Variants in COBL observed in about 807,000 individuals in gnomAD.
The protein encoded by COBL is cordon-bleu WH2 repeat protein, also known as protein cordon-bleu.
A neutral mutation model predicts 98.8 loss-of-function variants in COBL; 51 were observed. The observed-to-expected ratio is 0.52, with a 90% CI of 0.41 to 0.65. The LOEUF is 0.65. Ranked by LOEUF, COBL falls within the 30% of genes least tolerant of loss-of-function variation. The pLI is 0.00. For missense variants in COBL, 1,617 were observed against 1,617.5 expected (o/e 1.00, Z 0.01); for synonymous variants, 634 against 651.7 (o/e 0.97, Z 0.41).
intron 1 of COBL, among the ~76,000 whole-genome samples, chr7:51,224,325 A>C (rs1052472749): frequency 2.3e-4 from 35 of 152,194 alleles, no homozygotes; most frequent in African/African-American, 8.0e-4. Context: ...TCCTGCTTAC[A>C]AGAAACACTG....
chr7:51,230,512 C>A (rs1794644159), intron 1 of COBL, among the ~76,000 whole-genome samples: 1 of 152,146 alleles, frequency 6.6e-6, no homozygotes, highest in Admixed American at 6.5e-5. Context: ...TTCCTGCTGG[C>A]CCCTTCCCAC....
chr7:51,077,730 T>C (rs938556776), intron 7 of COBL, among the ~76,000 whole-genome samples: 1 of 152,218 alleles, frequency 6.6e-6, no homozygotes, highest in African/African-American at 2.4e-5. Flanking sequence ...GAACGCTGAA[T>C]AGGCATATTC....
At chr7:51,203,855 G>A (rs1244489710) in intron 2 of COBL, among the ~76,000 whole-genome samples, 4 of 152,050 alleles carry the variant, frequency 2.6e-5, no homozygotes, top group African/African-American at 9.7e-5. Context: ...GAAAAAGAGG[G>A]CCTATTTCCA....
intron 5 of COBL, among the ~76,000 whole-genome samples, chr7:51,167,141 T>C (rs1295870035): frequency 1.3e-5 from 2 of 152,106 alleles, no homozygotes; most frequent in Non-Finnish European, 2.9e-5. Flanking sequence ...GGCATTCAAA[T>C]TGGAAAGGAA....
chr7:51,172,519 G>C (rs1169057304), intron 5 of COBL: 1 of 1,287,682 alleles, frequency 7.8e-7, no homozygotes, highest in African/African-American at 1.5e-5. Context: ...CCGACAGCAC[G>C]AGCTGCTCAG....
chr7:51,069,207 G>T (rs1792265298), intron 7 of COBL, among the ~76,000 whole-genome samples: 1 of 152,164 alleles, frequency 6.6e-6, no homozygotes, highest in Admixed American at 6.5e-5. Context: ...TGAGAGAGAA[G>T]GGCCAAGCGA....
intron 5 of COBL, among the ~76,000 whole-genome samples, chr7:51,153,040 T>C (rs1052772668): frequency 6.6e-6 from 1 of 152,242 alleles, no homozygotes; most frequent in Non-Finnish European, 1.5e-5. Context: ...TACTATTGTA[T>C]ATCGTAAGGT....
intron 6 of COBL, among the ~76,000 whole-genome samples, chr7:51,098,322 A>G (rs1795499121): frequency 6.6e-6 from 1 of 151,150 alleles, no homozygotes; most frequent in South Asian, 2.1e-4. Flanking sequence ...GGGGAAGAAA[A>G]CAATAAAACA....
intron 1 of COBL, among the ~76,000 whole-genome samples, chr7:51,277,292 A>C (rs893382939): frequency 2.0e-5 from 3 of 152,136 alleles, no homozygotes; most frequent in African/African-American, 7.2e-5. Flanking sequence ...CTAAGAGAGA[A>C]GGTATGTGTG....
At chr7:51,181,686 T>C (rs1319250645) in intron 5 of COBL, among the ~76,000 whole-genome samples, 1 of 152,210 alleles carries the variant, frequency 6.6e-6, no homozygotes, top group Non-Finnish European at 1.5e-5. Context: ...TTTCTTTCTT[T>C]AGGTTGACAA....
intron 5 of COBL, among the ~76,000 whole-genome samples, chr7:51,165,252 A>G (rs1787193147): frequency 6.6e-6 from 1 of 152,030 alleles, no homozygotes; most frequent in Admixed American, 6.5e-5. Flanking sequence ...ATACACCTCA[A>G]CTGAAAATAA....
chr7:51,274,218 C>T (rs1184147232), intron 1 of COBL, among the ~76,000 whole-genome samples: 1 of 152,210 alleles, frequency 6.6e-6, no homozygotes, highest in Non-Finnish European at 1.5e-5. Flanking sequence ...TCACACCCAG[C>T]CTTGCTGCAA....
At chr7:51,178,843 A>C (rs2129048856) in intron 5 of COBL, among the ~76,000 whole-genome samples, 1 of 152,310 alleles carries the variant, frequency 6.6e-6, no homozygotes, top group African/African-American at 2.4e-5. Flanking sequence ...TCCCGACCTC[A>C]GGCGATCCAC....
At chr7:51,304,104 C>T (rs1202960477) in intron 1 of COBL, among the ~76,000 whole-genome samples, 4 of 152,200 alleles carry the variant, frequency 2.6e-5, no homozygotes, top group African/African-American at 7.2e-5. Context: ...CCCATGTTGT[C>T]GCCAGCACCA....
chr7:51,043,015 C>T (rs774504549), intron 8 of COBL, among the ~76,000 whole-genome samples: 1 of 152,208 alleles, frequency 6.6e-6, no homozygotes, highest in Non-Finnish European at 1.5e-5. Context: ...GTTTCTTGCT[C>T]ATTGTTTCTA....
intron 5 of COBL, among the ~76,000 whole-genome samples, chr7:51,178,195 T>C (rs572038154): frequency 1.2e-4 from 19 of 152,184 alleles, no homozygotes; most frequent in African/African-American, 3.4e-4. Context: ...TATATATATA[T>C]ACATGTGGTT....
At chr7:51,245,966 A>G (rs1376640772) in intron 1 of COBL, among the ~76,000 whole-genome samples, 1 of 152,214 alleles carries the variant, frequency 6.6e-6, no homozygotes, top group Non-Finnish European at 1.5e-5. Flanking sequence ...TATTATCCAA[A>G]GACTTAGTTT....
Position 51,098,122 on chromosome 7 carries a change from A to C in COBL, c.958-12818T>G, listed in dbSNP as rs149781389. ...CATTGCTGGAATTAGAGAAGACACA[A>C]TAAATATTTTCATGAAAGTATTAAT... is the stretch of plus-strand genomic sequence containing the variant. On this transcript the variant is annotated intron_variant, in intron 6 of 12. Coordinates refer to ENST00000265136, the MANE Select transcript of COBL (RefSeq NM_015198.5). Among the ~76,000 whole-genome samples, 948 of 152,022 alleles carry C rather than the reference A, an allele frequency of 6.2e-3. 7 individuals are homozygous for C. Among genetic ancestry groups the C allele is most frequent in the African/African-American group, 0.022 (894 of 41,482 alleles).
At position 51,054,236 on chromosome 7, in the gene COBL, CT is replaced by C. The variant is rs958819222; in HGVS notation, c.1097-10545del. Among the ~76,000 whole-genome samples the C allele has an allele frequency of 1.5e-4, 22 of 151,552 alleles. 1 individual carries two copies. In the East Asian group the frequency reaches 2.7e-3, roughly 19 times the overall value. On this transcript the variant is annotated intron_variant, in intron 7 of 12. Coordinates refer to ENST00000265136, the MANE Select transcript of COBL (RefSeq NM_015198.5). ...GAACACATAAAAAGGAAACTTTTCG[CT>C]TTTTTTTTCTTTTCACATAAATTAC...
Sources: allele counts gnomAD v4.1 joint callset (sites outside exome capture counted in the v4.1 genomes callset), GRCh38; gene constraint gnomAD v4.1.1; transcripts MANE v1.5; gene names NCBI Gene and HGNC (gene_info 2026-07-23, HGNC 2026-07-21).